The following MCF2L variants were observed in gnomAD, a reference collection of about 807,000 sequenced individuals.
MCF2L encodes the protein MCF.2 cell line derived transforming sequence like.
MCF2L carries 97 observed loss-of-function variants against 153.4 expected under a neutral mutation model. The observed-to-expected ratio is 0.63, with a 90% confidence interval of 0.54 to 0.75. MCF2L has a LOEUF of 0.75. MCF2L is among the 30% of genes least tolerant of loss of function. The pLI is 0.00. For missense variants in MCF2L, 1,347 were observed against 1,495.2 expected, an observed-to-expected ratio of 0.90 and a Z score of 1.64; for synonymous variants, 659 against 632.2, an observed-to-expected ratio of 1.04 and a Z score of -0.64.
chr13:113,028,536 C>A lies in MCF2L; in HGVS notation c.278+3778C>A. Among the ~76,000 whole-genome samples the A allele has an allele frequency of 6.6e-6, 1 of 152,288 alleles. No individual in the cohort carries two copies. Among genetic ancestry groups the A allele is most frequent in the South Asian group, 2.1e-4 (1 of 4,824 alleles). On this transcript the variant is annotated intron_variant, in intron 3 of 29. Coordinates refer to ENST00000535094, the MANE Select transcript of MCF2L (RefSeq NM_001112732.3). The surrounding 1 kb of genome is among the most constrained non-coding windows in gnomAD (Gnocchi z 5.4). ...ACAGCCTGGTCTGGCTGAAGGTGGC[C>A]GGAGCGCAGGCCCAGTCCCCGCTGT...
intron 2 of MCF2L, chr13:112,917,022 G>T (rs775552657): frequency 2.1e-5 from 10 of 467,036 alleles, no homozygotes; most frequent in Non-Finnish European, 4.4e-5. Context: ...CTCCCTCATC[G>T]CCAAGTCTGA....
At chr13:113,043,609 G>A (rs904135099) in intron 3 of MCF2L, 1 of 152,296 alleles carries the variant, frequency 6.6e-6, no homozygotes, top group Non-Finnish European at 1.5e-5. Context: ...CGGGAAGTAA[G>A]ATTCCCTGTA....
intron 2 of MCF2L, among the ~76,000 whole-genome samples, chr13:112,925,924 A>G (rs955196797): frequency 1.3e-5 from 2 of 152,262 alleles, no homozygotes; most frequent in African/African-American, 4.8e-5. Flanking sequence ...AATATTGGCA[A>G]TTATCAAAAT....
chr13:112,965,965 C>T (rs912065211), upstream of MCF2L: 1 of 152,240 alleles, frequency 6.6e-6, no homozygotes, highest in African/African-American at 2.4e-5. Flanking sequence ...CAGGCGTCCC[C>T]GATGCAGACA....
At chr13:112,902,073 C>T (rs1384754674) in intron 1 of MCF2L, 3 of 704,196 alleles carry the variant, frequency 4.3e-6, no homozygotes, top group Admixed American at 2.8e-5. Flanking sequence ...TTCAAACATA[C>T]TATCTTCACT....
At chr13:113,013,427 G>A (rs1295732709) in intron 1 of MCF2L, among the ~76,000 whole-genome samples, 3 of 152,162 alleles carry the variant, frequency 2.0e-5, no homozygotes, top group South Asian at 2.1e-4. Context: ...TGTCTGGCTC[G>A]GAGGCAAAGC....
chr13:112,908,459 G>T (rs1379865534), intron 2 of MCF2L, among the ~76,000 whole-genome samples: 2 of 152,202 alleles, frequency 1.3e-5, no homozygotes, highest in East Asian at 1.9e-4. Flanking sequence ...GTGAACGGAA[G>T]GTGTCTGAAG....
At chr13:112,944,324 A>C (rs1049426799) in intron 2 of MCF2L, among the ~76,000 whole-genome samples, 1 of 152,008 alleles carries the variant, frequency 6.6e-6, no homozygotes, top group African/African-American at 2.4e-5. Flanking sequence ...TGGCCCCGTC[A>C]TGAGTGGGGT....
At chr13:113,093,086 G>A (rs1311174655) in intron 26 of MCF2L, among the ~76,000 whole-genome samples, 2 of 152,224 alleles carry the variant, frequency 1.3e-5, no homozygotes, top group Non-Finnish European at 2.9e-5. Context: ...CCCCACGTGC[G>A]GTGCCTCAGA....
intron 3 of MCF2L, chr13:113,044,769 A>G: frequency 1.2e-6 from 2 of 1,612,924 alleles, no homozygotes; most frequent in Non-Finnish European, 1.7e-6. Flanking sequence ...CGTTTCCAGC[A>G]GATGCTTGGG....
chr13:113,095,043 C>T (rs1249093508), intron 27 of MCF2L: 1 of 1,371,924 alleles, frequency 7.3e-7, no homozygotes, highest in South Asian at 1.1e-5. Flanking sequence ...ACCCCCCTAC[C>T]CTTTATGTCA....
rs9549651 is a variant in MCF2L, at chr13:113,063,884, C to T, written c.490-420C>T. 5.5e-3 allele frequency: 2,454 copies of T among 448,686 alleles called. 18 individuals are homozygous for T. Among genetic ancestry groups the T allele is most frequent in the Non-Finnish European group, 7.2e-3 (1,591 of 221,666 alleles). 27.8% of individuals were successfully genotyped at this position (448,686 alleles called of 1,614,324 possible). ...AGTGGGGCTGTGAGTTTGAAGATGC[C>T]GGTGATTTCTGTGAAACCCATTTTG... On this transcript the variant is annotated intron_variant, in intron 5 of 29. Coordinates refer to ENST00000535094, the MANE Select transcript of MCF2L (RefSeq NM_001112732.3).
At position 113,078,648 on chromosome 13, in the gene MCF2L, C is replaced by CG; in HGVS notation, c.1735-17dup. 6.2e-7 allele frequency: 1 copy of CG among 1,609,276 alleles called. No individual in the cohort carries two copies. The highest frequency in any genetic ancestry group is 1.1e-5 in the South Asian group (1 of 90,466). On this transcript the variant is annotated splice_polypyrimidine_tract_variant and intron_variant, in intron 14 of 29. Transcript: ENST00000535094. The stretch of plus-strand genomic sequence containing the variant: ...GTTCCGTCCCGCCTTTCAGACCTGA[C>CG]GCTGTTTTTCTCCCCAGAGTGAGAT...
upstream of MCF2L, chr13:112,965,864 A>G (rs2081887310): frequency 1.3e-5 from 2 of 152,176 alleles, no homozygotes; most frequent in Admixed American, 6.5e-5. Context: ...AAAGAAGCCC[A>G]TCCCTTGGGA....
chr13:112,916,208 C>T (rs929857701), intron 2 of MCF2L, among the ~76,000 whole-genome samples: 5 of 147,688 alleles, frequency 3.4e-5, no homozygotes, highest in South Asian at 2.1e-4. Context: ...GATTCCGAGG[C>T]GACTTTTCCC....
intron 1 of MCF2L, among the ~76,000 whole-genome samples, chr13:113,006,815 C>G (rs895195091): frequency 6.6e-6 from 1 of 152,232 alleles, no homozygotes; most frequent in African/African-American, 2.4e-5. Context: ...GAGGCTCGGC[C>G]TGGAGCCTCA....
intron 1 of MCF2L, among the ~76,000 whole-genome samples, chr13:113,008,407 C>T (rs956878340): frequency 5.9e-5 from 9 of 152,198 alleles, no homozygotes; most frequent in African/African-American, 1.4e-4. Context: ...CCCACCTCTG[C>T]GGGCAGCTCA....
intron 2 of MCF2L, among the ~76,000 whole-genome samples, chr13:112,920,437 C>T (rs2081340731): frequency 6.6e-6 from 1 of 151,984 alleles, no homozygotes; most frequent in Non-Finnish European, 1.5e-5. Flanking sequence ...GCACATTGTA[C>T]CTGTTGAGCT....
At chr13:112,956,838 T>A (rs1396889284) in intron 2 of MCF2L, 1 of 152,178 alleles carries the variant, frequency 6.6e-6, no homozygotes, top group African/African-American at 2.4e-5. Context: ...ACGATGAGGT[T>A]TTCCTATCAA....
Sources: allele counts gnomAD v4.1 joint callset (sites outside exome capture counted in the v4.1 genomes callset), GRCh38; gene constraint gnomAD v4.1.1; non-coding constraint Gnocchi (gnomAD v3.1); transcripts MANE v1.5; gene names NCBI Gene and HGNC (gene_info 2026-07-23, HGNC 2026-07-21).